The following GNA12 variants were observed in gnomAD, a reference collection of about 807,000 sequenced individuals.
GNA12 encodes the protein G protein subunit alpha 12.
In GNA12, 9 loss-of-function variants were observed where a neutral mutation model predicts 26.0. The ratio of observed to expected loss-of-function variants is 0.35; its 90% CI spans 0.21 to 0.60. GNA12 has a LOEUF of 0.60. GNA12 is among the 20% of genes least tolerant of loss of function. GNA12 has a pLI of 0.78. For synonymous variants in GNA12, 264 were observed against 219.6 expected (o/e 1.20, Z -1.79); for missense variants, 405 against 525.8 (o/e 0.77, Z 2.25).
chr7:2,828,732 A>G (rs1793537689), intron 1 of GNA12, among the ~76,000 whole-genome samples: 1 of 152,088 alleles, frequency 6.6e-6, no homozygotes, highest in South Asian at 2.1e-4. Flanking sequence ...ACTCCAATGG[A>G]GTCTTCTTTA....
rs534113116 is a variant in GNA12, at chr7:2,762,853, G to C, written c.526-29352C>G. The C allele has an allele frequency of 2.7e-6, 4 of 1,479,822 alleles. No homozygotes were observed. The South Asian group carries it at 5.5e-5, about 20-fold the overall frequency. 91.7% of individuals were successfully genotyped at this position (1,479,822 alleles called of 1,614,324 possible). ...CCCAGTCAGCGCGGCTCCGAAGCAG[G>C]AGAGGGCCAGCTCCGAGCCCTGCTC... On this transcript the variant is annotated intron_variant, in intron 2 of 3. Coordinates refer to ENST00000275364, the MANE Select transcript of GNA12 (RefSeq NM_007353.3).
chr7:2,830,085 C>T (rs920118538), intron 1 of GNA12, among the ~76,000 whole-genome samples: 2 of 152,180 alleles, frequency 1.3e-5, no homozygotes, highest in African/African-American at 2.4e-5. Flanking sequence ...TGAGTGTTCT[C>T]CCCGAACTTT....
intron 2 of GNA12, among the ~76,000 whole-genome samples, chr7:2,757,932 G>C (rs971318156): frequency 2.0e-5 from 3 of 152,130 alleles, no homozygotes. Flanking sequence ...CCCCACATCA[G>C]AATAGCAATA....
intron 2 of GNA12, among the ~76,000 whole-genome samples, chr7:2,761,573 G>A (rs1026041328): frequency 1.3e-5 from 2 of 152,168 alleles, no homozygotes; most frequent in African/African-American, 4.8e-5. Context: ...CTCATCTACC[G>A]AATTCCTAGG....
intron 2 of GNA12, among the ~76,000 whole-genome samples, chr7:2,781,547 T>G (rs1202485722): frequency 6.6e-6 from 1 of 151,990 alleles, no homozygotes; most frequent in Non-Finnish European, 1.5e-5. Flanking sequence ...AAAAGATAAA[T>G]CTTAATATCT....
At chr7:2,842,303 T>C (rs1779020656) in intron 1 of GNA12, among the ~76,000 whole-genome samples, 1 of 150,690 alleles carries the variant, frequency 6.6e-6, no homozygotes, top group Admixed American at 6.6e-5. Context: ...CCCGACTTTA[T>C]CAACTCTATG....
Position 2,778,888 on chromosome 7 carries a change from G to A in GNA12, c.525+16040C>T, listed in dbSNP as rs879457454. On this transcript the variant is annotated intron_variant, in intron 2 of 3. Transcript: ENST00000275364. ...AAATTTGTTGAAATCTGGTAAAAGT[G>A]GATGGGGAATGGGGTTGATACTACC... 2.0e-5 allele frequency among the ~76,000 whole-genome samples: 3 copies of A among 152,150 alleles called. No individual in the cohort carries two copies. In the South Asian group the frequency reaches 6.2e-4, roughly 32 times the overall value.
chr7:2,840,239 G>A (rs932773320), intron 1 of GNA12, among the ~76,000 whole-genome samples: 3 of 152,176 alleles, frequency 2.0e-5, no homozygotes, highest in African/African-American at 7.2e-5. Context: ...TAGGACTCCA[G>A]AATTATCTCA....
chr7:2,768,775 A>G (rs1457832430), intron 2 of GNA12, among the ~76,000 whole-genome samples: 1 of 151,856 alleles, frequency 6.6e-6, no homozygotes, highest in East Asian at 1.9e-4. Context: ...AACTTGGCAT[A>G]CACTTTTCTA....
intron 1 of GNA12, among the ~76,000 whole-genome samples, chr7:2,843,340 C>A (rs1779057959): frequency 6.6e-6 from 1 of 152,096 alleles, no homozygotes; most frequent in South Asian, 2.1e-4. Flanking sequence ...GGTCCCCAGG[C>A]ACCCTAGAGA....
chr7:2,839,057 T>C (rs1562452730), intron 1 of GNA12, among the ~76,000 whole-genome samples: 2 of 152,142 alleles, frequency 1.3e-5, no homozygotes, highest in African/African-American at 4.8e-5. Context: ...AGCATACGCG[T>C]TTATCATGTA....
At chr7:2,770,428 G>C (rs1027193340) in intron 2 of GNA12, among the ~76,000 whole-genome samples, 1 of 152,170 alleles carries the variant, frequency 6.6e-6, no homozygotes, top group African/African-American at 2.4e-5. Context: ...GCTTGTGACA[G>C]GGCAATGCTT....
At position 2,730,939 on chromosome 7, in the gene GNA12, A is replaced by T; in HGVS notation, c.*242T>A. 1 of 509,240 alleles carries T rather than the reference A, an allele frequency of 2.0e-6. No homozygotes were observed. The allele number at this position is 509,240 out of a possible 1,614,324, so 31.5% of individuals were successfully genotyped here. A position where few individuals can be genotyped will look rare whatever the true frequency, so the allele number is the denominator to read the frequency against. On this transcript the variant is annotated 3_prime_UTR_variant, in exon 4 of 4. Transcript: ENST00000275364. Reference sequence around the variant, plus strand: ...TGATTAGGTGTTCCGTATTCACAACATCATCACTCGGATTTTCAGTAGTTT... The same window carrying T: ...TGATTAGGTGTTCCGTATTCACAACTTCATCACTCGGATTTTCAGTAGTTT...
chr7:2,831,286 A>G (rs1278599788), intron 1 of GNA12, among the ~76,000 whole-genome samples: 1 of 151,952 alleles, frequency 6.6e-6, no homozygotes, highest in Non-Finnish European at 1.5e-5. Context: ...CCTGGTCCAC[A>G]TCACTCCATA....
chr7:2,757,651 T>C (rs927117978), intron 2 of GNA12, among the ~76,000 whole-genome samples: 6 of 152,226 alleles, frequency 3.9e-5, no homozygotes, highest in African/African-American at 1.4e-4. Flanking sequence ...TCATTACATC[T>C]GTGCCGTTTT....
chr7:2,788,922 C>T (rs1270015651), intron 2 of GNA12, among the ~76,000 whole-genome samples: 3 of 151,786 alleles, frequency 2.0e-5, no homozygotes, highest in South Asian at 2.1e-4. Context: ...TGGGCTCAAG[C>T]GATTCTCCTG....
At chr7:2,818,695 G>A (rs1196568813) in intron 1 of GNA12, among the ~76,000 whole-genome samples, 1 of 151,536 alleles carries the variant, frequency 6.6e-6, no homozygotes, top group Non-Finnish European at 1.5e-5. Context: ...CCCAGGAGGT[G>A]GAGGTTGCAG....
intron 1 of GNA12, among the ~76,000 whole-genome samples, chr7:2,841,866 G>A (rs1778997833): frequency 6.6e-6 from 1 of 152,082 alleles, no homozygotes; most frequent in Non-Finnish European, 1.5e-5. Context: ...ATAAAACCTA[G>A]TCTCCAGGCA....
intron 2 of GNA12, among the ~76,000 whole-genome samples, chr7:2,777,681 C>T (rs1792113455): frequency 6.6e-6 from 1 of 152,168 alleles, no homozygotes; most frequent in South Asian, 2.1e-4. Flanking sequence ...TCACCAGGAA[C>T]CCCACCGGCC....
Sources: gnomAD v4.1 joint callset for allele counts (sites outside exome capture counted in the v4.1 genomes callset) on GRCh38, gnomAD v4.1.1 for gene constraint, MANE v1.5 for transcripts, NCBI Gene and HGNC (gene_info 2026-07-23, HGNC 2026-07-21) for gene names.